The following NPHP1 variants were observed in gnomAD, a reference collection of about 807,000 sequenced individuals.
NPHP1 encodes nephrocystin 1, also known as nephrocystin-1.
Under a neutral mutation model 90.4 loss-of-function variants are expected in NPHP1, and 70 were observed. That is an observed-to-expected ratio of 0.77 (90% CI 0.64 to 0.95). The LOEUF (loss-of-function observed/expected upper bound fraction) is 0.95, where lower values mean the gene tolerates loss of function less well. Ranked by LOEUF, NPHP1 falls within the 40% of genes least tolerant of loss-of-function variation. The pLI, the probability that NPHP1 is intolerant of heterozygous loss-of-function variation, is 0.00. For synonymous variants in NPHP1, 256 were observed against 271.7 expected (o/e 0.94, Z 0.57); for missense variants, 764 against 795.9 (o/e 0.96, Z 0.48).
chr2:110,144,176 A>G (rs781564433), intron 15 of NPHP1: 2 of 381,150 alleles, frequency 5.2e-6, no homozygotes, highest in African/African-American at 4.1e-5. Flanking sequence ...TTACTGTTTC[A>G]AATGTCTGCA....
intron 19 of NPHP1, chr2:110,125,362 C>T: frequency 6.6e-7 from 1 of 1,503,896 alleles, no homozygotes. Context: ...ATTTGATACA[C>T]AACTGAGAGA....
intron 2 of NPHP1, among the ~76,000 whole-genome samples, chr2:110,186,927 G>A (rs567620866): frequency 6.6e-6 from 1 of 152,204 alleles, no homozygotes; most frequent in South Asian, 2.1e-4. Context: ...AATGACTCAG[G>A]TAAATAATGA....
Position 110,163,091 on chromosome 2 carries a change from A to G in NPHP1, c.816T>C (p.Pro272=). Residue 272 remains proline, a synonymous_variant, in exon 9 of 20, where the codon CCT becomes CCC. Transcript: ENST00000445609. ...AGAGCGTGGAAGGCCTGAACCCTGC[A>G]GGAATAGCTCCCATCGTAGTTAACA... is the stretch of plus-strand genomic sequence containing the variant. ...VDVLTTMGAI[P]AGFRPSTLSQ... is the part of the protein sequence containing the mutation. 6.2e-7 allele frequency: 1 copy of G among 1,613,784 alleles called. No homozygotes were observed. Among genetic ancestry groups the G allele is most frequent in the Non-Finnish European group, 8.5e-7 (1 of 1,179,652 alleles).
At chr2:110,146,979 T>G (rs1181500144) in intron 13 of NPHP1, 144 bp from the exon 14 acceptor site, 1 of 680,240 alleles carries the variant, frequency 1.5e-6, no homozygotes, top group African/African-American at 1.8e-5. Context: ...TGAAACACAG[T>G]AGAATCTCAT....
At chr2:110,179,827 T>C (rs371172245) in intron 2 of NPHP1, 143 bp from the exon 3 acceptor site, 38 of 518,440 alleles carry the variant, frequency 7.3e-5, no homozygotes, top group South Asian at 4.4e-4. Context: ...TATAAATGCT[T>C]TTCCACCTAT....
intron 2 of NPHP1, among the ~76,000 whole-genome samples, chr2:110,200,435 C>T (rs915916980): frequency 6.6e-6 from 1 of 150,606 alleles, no homozygotes; most frequent in South Asian, 2.1e-4. Flanking sequence ...TGGTGGGGCA[C>T]GACTGTAATC....
chr2:110,191,095 G>A (rs1684695256), intron 2 of NPHP1, among the ~76,000 whole-genome samples: 1 of 152,184 alleles, frequency 6.6e-6, no homozygotes, highest in African/African-American at 2.4e-5. Context: ...GAGTGACGCA[G>A]AAGATGAATG....
intron 13 of NPHP1, among the ~76,000 whole-genome samples, chr2:110,147,154 A>G (rs1374468496): frequency 6.6e-6 from 1 of 152,140 alleles, no homozygotes. Context: ...TCAGTACTAC[A>G]TGGGATGATG....
chr2:110,178,635 A>G, intron 3 of NPHP1, 88 bp from the exon 4 acceptor site: 1 of 1,232,378 alleles, frequency 8.1e-7, no homozygotes. Flanking sequence ...AATAAGTGCT[A>G]TATAACAAAG....
chr2:110,164,484 G>C, intron 8 of NPHP1: 1 of 946,476 alleles, frequency 1.1e-6, no homozygotes, highest in Non-Finnish European at 1.7e-6. Flanking sequence ...TATTCTTTTT[G>C]TACAAAAAAA....
intron 4 of NPHP1, among the ~76,000 whole-genome samples, chr2:110,175,177 T>A (rs895356819): frequency 1.3e-5 from 2 of 152,132 alleles, no homozygotes; most frequent in Non-Finnish European, 2.9e-5. Flanking sequence ...ACATAACTAC[T>A]GTAAATAATG....
chr2:110,176,726 C>A lies in NPHP1; in HGVS notation c.329+1697G>T, dbSNP rs115287573. Among the ~76,000 whole-genome samples the A allele has an allele frequency of 6.5e-3, 993 of 152,230 alleles. 6 individuals carry two copies. The highest frequency in any genetic ancestry group is 9.0e-3 in the Non-Finnish European group (615 of 68,016). ...TGTTACTCTCAGGGTGTTTTCTTTA[C>A]TCCTAGGGCCTGGGCCTTCTGTGTC... is the stretch of plus-strand genomic sequence containing the variant. On this transcript the variant is annotated intron_variant, in intron 4 of 19. Transcript: ENST00000445609.
At chr2:110,137,834 C>A (rs1231897361) in intron 16 of NPHP1, among the ~76,000 whole-genome samples, 21 of 150,794 alleles carry the variant, frequency 1.4e-4, no homozygotes, top group African/African-American at 5.1e-4. Context: ...GGTATATACC[C>A]AAAGGATTAT....
chr2:110,125,046 T>A, intron 19 of NPHP1: 7 of 626,452 alleles, frequency 1.1e-5, no homozygotes, highest in Non-Finnish European at 1.8e-5. Flanking sequence ...ATTTACATAT[T>A]GTCTGTGGCT....
At chr2:110,128,397 C>G (rs1267542493) in intron 18 of NPHP1, 1 of 152,286 alleles carries the variant, frequency 6.6e-6, no homozygotes, top group Non-Finnish European at 1.5e-5. Context: ...CAACCACTCC[C>G]TTACTTGCAT....
rs1304805056 is a variant in NPHP1, at chr2:110,178,522, T to C, written c.230A>G (p.Asn77Ser). Residue 77 changes from asparagine to serine, a missense_variant, in exon 4 of 20, where the codon AAC (asparagine) becomes AGC (serine). By Grantham distance (46) the Asn-to-Ser change is conservative. Transcript: ENST00000445609. ...CTCCTCTTCTTTTCTCTGATTATAG[T>C]TTGCAACAGGTGCAGATTCATCAGC... ...SKADESAPVA[N>S]YNQRKEEEHT... 1 of 1,613,692 alleles carries C rather than the reference T, an allele frequency of 6.2e-7. No homozygotes were observed. Among genetic ancestry groups the C allele is most frequent in the Non-Finnish European group, 8.5e-7 (1 of 1,179,804 alleles).
intron 5 of NPHP1, among the ~76,000 whole-genome samples, 165 bp from the exon 6 acceptor site, chr2:110,168,718 G>A (rs989797390): frequency 2.0e-5 from 3 of 151,884 alleles, no homozygotes; most frequent in Non-Finnish European, 4.4e-5. Context: ...CGACCCCTAT[G>A]TATTCTGCCT....
In NPHP1 at chr2:110,144,588, C is replaced by G; in HGVS notation, c.1353-19G>C. 1 of 1,437,712 alleles carries G rather than the reference C, an allele frequency of 7.0e-7. No homozygotes were observed. Among genetic ancestry groups the G allele is most frequent in the Non-Finnish European group, 9.8e-7 (1 of 1,019,548 alleles). The allele number at this position is 1,437,712 out of a possible 1,614,324, so 89.1% of individuals were successfully genotyped here. A position where few individuals can be genotyped will look rare whatever the true frequency, so the allele number is the denominator to read the frequency against. On this transcript the variant is annotated intron_variant, in intron 14 of 19. Coordinates refer to ENST00000445609, the MANE Select transcript of NPHP1 (RefSeq NM_001128178.3). Reference sequence around the variant, plus strand: ...ATAAGTTCTATAAAAGAATAACATACAATGACAGATATAAGCTGTGGGCAT... The same window carrying G: ...ATAAGTTCTATAAAAGAATAACATAGAATGACAGATATAAGCTGTGGGCAT...
chr2:110,145,219 C>G (rs1353084195), intron 14 of NPHP1, among the ~76,000 whole-genome samples: 1 of 152,128 alleles, frequency 6.6e-6, no homozygotes, highest in East Asian at 1.9e-4. Flanking sequence ...GGTAAAAGAG[C>G]CCTTTAATTG....
Sources: allele counts gnomAD v4.1 joint callset (sites outside exome capture counted in the v4.1 genomes callset), GRCh38; gene constraint gnomAD v4.1.1; transcripts MANE v1.5; gene names NCBI Gene and HGNC (gene_info 2026-07-23, HGNC 2026-07-21).